Variants in DUSP11 observed in about 807,000 individuals in gnomAD.
DUSP11 encodes dual specificity phosphatase 11.
DUSP11 carries 27 observed loss-of-function variants against 41.4 expected under a neutral mutation model. The ratio of observed to expected loss-of-function variants is 0.65; its 90% CI spans 0.48 to 0.90. The LOEUF is 0.90. DUSP11 is among the 40% of genes least tolerant of loss of function. The pLI, the probability that DUSP11 is intolerant of heterozygous loss-of-function variation, is 0.00. For missense variants in DUSP11, 465 were observed against 461.1 expected, an observed-to-expected ratio of 1.01 and a Z score of -0.08; for synonymous variants, 188 against 159.3, an observed-to-expected ratio of 1.18 and a Z score of -1.35.
chr2:73,776,249 C>T (rs1236579638), intron 2 of DUSP11, among the ~76,000 whole-genome samples: 1 of 151,664 alleles, frequency 6.6e-6, no homozygotes, highest in East Asian at 1.9e-4. Flanking sequence ...CCCATCTCTA[C>T]TAAAAACACA....
At chr2:73,769,200 T>G in intron 5 of DUSP11, 65 bp downstream of exon 5, 1 of 1,409,738 alleles carries the variant, frequency 7.1e-7, no homozygotes, top group Middle Eastern at 1.8e-4. Flanking sequence ...TTTACAACCT[T>G]ACATTACCAT....
chr2:73,774,277 G>C (rs983616052), intron 3 of DUSP11, among the ~76,000 whole-genome samples: 8 of 152,218 alleles, frequency 5.3e-5, no homozygotes, highest in African/African-American at 1.4e-4. Flanking sequence ...AAGTAGAAGA[G>C]TAGAGAATAG....
chr2:73,765,277 TCTC>T lies in DUSP11; in HGVS notation c.935+1138_935+1140del, dbSNP rs201892296. ...CTGGAGCTGGAATACCTTACCTTCT[TCTC>T]CTACTCTTGGACATTAGAACTCCAG... On this transcript the variant is annotated intron_variant, in intron 8 of 8. Transcript: ENST00000272444. Among the ~76,000 whole-genome samples, 126 of 152,270 alleles carry T rather than the reference TCTC, an allele frequency of 8.3e-4. 1 individual carries two copies. In the East Asian group the frequency reaches 0.023, roughly 28 times the overall value.
chr2:73,777,508 C>T (rs1672709065), intron 2 of DUSP11, among the ~76,000 whole-genome samples: 1 of 152,172 alleles, frequency 6.6e-6, no homozygotes, highest in Non-Finnish European at 1.5e-5. Flanking sequence ...AAAAGCTTTC[C>T]CCTCCTATCC....
At chr2:73,774,257 G>A (rs1481267433) in intron 3 of DUSP11, among the ~76,000 whole-genome samples, 1 of 152,156 alleles carries the variant, frequency 6.6e-6, no homozygotes, top group Non-Finnish European at 1.5e-5. Context: ...TCATAAAGCA[G>A]CTATGATTTA....
At chr2:73,763,626 G>A (rs938902629) in intron 8 of DUSP11, among the ~76,000 whole-genome samples, 2 of 152,170 alleles carry the variant, frequency 1.3e-5, no homozygotes, top group African/African-American at 4.8e-5. Flanking sequence ...GGGAGGCTGA[G>A]GCAGGAGAAT....
chr2:73,772,577 G>C (rs890374834), intron 4 of DUSP11, among the ~76,000 whole-genome samples: 7 of 152,198 alleles, frequency 4.6e-5, no homozygotes, highest in Admixed American at 1.3e-4. Flanking sequence ...AACAGATGAA[G>C]TGCTATATAA....
At chr2:73,765,063 A>G (rs1672432142) in intron 8 of DUSP11, among the ~76,000 whole-genome samples, 1 of 152,208 alleles carries the variant, frequency 6.6e-6, no homozygotes, top group Admixed American at 6.5e-5. Flanking sequence ...TGACTGGGTT[A>G]AGAGATATCT....
At chr2:73,769,167 G>T in intron 5 of DUSP11, 98 bp downstream of exon 5, 2 of 986,230 alleles carry the variant, frequency 2.0e-6, no homozygotes, top group South Asian at 1.5e-5. Flanking sequence ...TCTACTTCAT[G>T]TATTTCTATA....
At chr2:73,767,808 C>T (rs1384282439) in intron 5 of DUSP11, 1 of 152,748 alleles carries the variant, frequency 6.5e-6, no homozygotes, top group Non-Finnish European at 1.5e-5. Context: ...TTCCTACAAA[C>T]ACCTCCCAAC....
At chr2:73,780,084 A>G (rs1459409265) in exon 1 of DUSP11, 1 of 1,581,300 alleles carries the variant, frequency 6.3e-7, no homozygotes, top group South Asian at 1.1e-5. Flanking sequence ...GCAGCCACCT[A>G]CGCCGCGCTC....
chr2:73,771,953 T>G (rs937753601), intron 4 of DUSP11, among the ~76,000 whole-genome samples: 1 of 151,450 alleles, frequency 6.6e-6, no homozygotes, highest in Non-Finnish European at 1.5e-5. Context: ...CCCGAGTAGC[T>G]TGGACTACAG....
Position 73,778,431 on chromosome 2 carries a change from C to G in DUSP11, c.243-55G>C. ...TGTATGTTAGCCTTGTTTCCTTGCA[C>G]AAAATAAGACTTTTTGAAAATGGGA... On this transcript the variant is annotated intron_variant, in intron 1 of 8. Transcript: ENST00000272444. 4 of 1,179,386 alleles carry G rather than the reference C, an allele frequency of 3.4e-6. No homozygotes were observed. The South Asian group carries it at 6.7e-5, about 20-fold the overall frequency. 73.1% of individuals were successfully genotyped at this position (1,179,386 alleles called of 1,614,324 possible). A position where few individuals can be genotyped will look rare whatever the true frequency, so the allele number is the denominator to read the frequency against.
At chr2:73,762,524 C>A in exon 9 of DUSP11, 2 of 520,754 alleles carry the variant, frequency 3.8e-6, no homozygotes, top group East Asian at 6.1e-5. Context: ...AGGTAAACAG[C>A]AATGCAATTT....
At chr2:73,775,170 C>T (rs1005653711) in intron 2 of DUSP11, 126 bp from the exon 3 acceptor site, 1 of 794,370 alleles carries the variant, frequency 1.3e-6, no homozygotes, top group South Asian at 2.2e-5. Context: ...TCTCCTGGAA[C>T]ATAGAAGGTA....
chr2:73,768,622 G>A, intron 5 of DUSP11: 6 of 985,198 alleles, frequency 6.1e-6, no homozygotes, highest in Non-Finnish European at 7.2e-6. Context: ...TCTGACTTTT[G>A]TGTTCATCGG....
chr2:73,772,752 A>G (rs1351350818), intron 4 of DUSP11, among the ~76,000 whole-genome samples: 1 of 152,226 alleles, frequency 6.6e-6, no homozygotes, highest in Non-Finnish European at 1.5e-5. Context: ...AAGGTTTAAC[A>G]TAATTAAAAG....
At chr2:73,775,558 TTA>T (rs1672664115) in intron 2 of DUSP11, among the ~76,000 whole-genome samples, 1 of 149,734 alleles carries the variant, frequency 6.7e-6, no homozygotes. Context: ...TTTTTTTTTT[TTA>T]AAGAGATAGG....
intron 4 of DUSP11, among the ~76,000 whole-genome samples, chr2:73,771,783 T>C (rs1163335305): frequency 2.7e-5 from 4 of 148,656 alleles, no homozygotes; most frequent in Non-Finnish European, 5.9e-5. Flanking sequence ...ATTACAGGCA[T>C]GAGCCATCGC....
Sources: allele counts gnomAD v4.1 joint callset (sites outside exome capture counted in the v4.1 genomes callset), GRCh38; gene constraint gnomAD v4.1.1; transcripts MANE v1.5; gene names NCBI Gene and HGNC (gene_info 2026-07-23, HGNC 2026-07-21).